Variants in CNGA3 observed in about 807,000 individuals in gnomAD.
CNGA3 encodes cyclic nucleotide gated channel subunit alpha 3.
A neutral mutation model predicts 46.6 loss-of-function variants in CNGA3; 42 were observed. That is an observed-to-expected ratio of 0.90 (90% CI 0.70 to 1.17). The LOEUF (loss-of-function observed/expected upper bound fraction) is 1.17. Among genes scored for constraint, CNGA3 ranks in the 50% most tolerant of loss-of-function variants. The pLI is 0.00. For missense variants in CNGA3, 893 were observed against 890.7 expected (o/e 1.00, Z -0.03); for synonymous variants, 394 against 369.4 (o/e 1.07, Z -0.76).
chr2:98,389,842 C>T (rs1010859307), intron 6 of CNGA3, 68 bp downstream of exon 6: 3 of 1,291,770 alleles, frequency 2.3e-6, no homozygotes, highest in Non-Finnish European at 3.4e-6. Flanking sequence ...GGAGCCAGAG[C>T]TCCACCTCTC....
chr2:98,368,059 A>G (rs972177582), intron 1 of CNGA3, among the ~76,000 whole-genome samples: 15 of 152,184 alleles, frequency 9.9e-5, no homozygotes, highest in African/African-American at 3.6e-4. Flanking sequence ...CCAGAAACTC[A>G]CTCATTGTTA....
rs762969497 is a variant in CNGA3 at position 98,395,936 on chromosome 2, C to T, written c.766C>T (p.Leu256=). 2 of 1,614,040 alleles carry T rather than the reference C, an allele frequency of 1.2e-6. No homozygotes were observed. The highest frequency in any genetic ancestry group is 1.7e-5 in the Admixed American group (1 of 59,988). The part of the protein sequence containing the change: ...TTQFKLDVLS[L]VPTDLAYLKV... ...GCAGTTCAAGCTGGATGTGTTGTCC[C>T]TGGTCCCCACCGACCTGGCTTACTT... The change falls in exon 8 of 8, where the codon CTG becomes TTG. Residue 256 remains leucine, a synonymous_variant. Transcript: ENST00000272602.
chr2:98,388,912 C>T (rs1480908517), intron 5 of CNGA3, among the ~76,000 whole-genome samples: 4 of 152,206 alleles, frequency 2.6e-5, no homozygotes, highest in Non-Finnish European at 4.4e-5. Context: ...CCTGGGCCAG[C>T]GTGGGTCGCA....
At chr2:98,353,870 C>T (rs1476654378) in intron 1 of CNGA3, among the ~76,000 whole-genome samples, 1 of 152,110 alleles carries the variant, frequency 6.6e-6, no homozygotes, top group East Asian at 1.9e-4. Context: ...GGAGTAGGGG[C>T]AAGTGGGGGA....
At position 98,370,076 on chromosome 2, in the gene CNGA3, G is replaced by T. The variant is rs1217285901; in HGVS notation, c.101G>T (p.Arg34Ile). 6 of 1,608,386 alleles carry T rather than the reference G, an allele frequency of 3.7e-6. No homozygotes were observed. Among genetic ancestry groups the T allele is most frequent in the Non-Finnish European group, 5.1e-6 (6 of 1,175,300 alleles). ...AATCGCGCTGAAAATGGCCTCAGCA[G>T]GTAAGATGGGCTAAGATGGGCTTTT... The part of the protein sequence containing the change: ...DLNRAENGLS[R>I]AHSSSEETSS... The change falls in exon 2 of 8, where the codon AGA (arginine) becomes ATA (isoleucine). Residue 34 changes from arginine (R) to isoleucine (I), a missense_variant and splice_region_variant. Transcript: ENST00000272602.
chr2:98,367,278 T>G (rs1692184870), intron 1 of CNGA3, among the ~76,000 whole-genome samples: 1 of 147,158 alleles, frequency 6.8e-6, no homozygotes, highest in African/African-American at 2.5e-5. Context: ...CACCGCAAGC[T>G]CCGCCTCCCG....
At chr2:98,361,631 C>G (rs760664079) in intron 1 of CNGA3, among the ~76,000 whole-genome samples, 2 of 151,736 alleles carry the variant, frequency 1.3e-5, no homozygotes, top group African/African-American at 4.8e-5. Context: ...GTTGAACTAA[C>G]TTACACTCCC....
At chr2:98,388,087 C>G (rs1225338221) in intron 5 of CNGA3, among the ~76,000 whole-genome samples, 2 of 152,162 alleles carry the variant, frequency 1.3e-5, no homozygotes, top group African/African-American at 4.8e-5. Flanking sequence ...ATAATAATAA[C>G]AAATCAATAA....
In CNGA3 at chr2:98,396,947, G is replaced by A. The variant is rs774676415; in HGVS notation, c.1777G>A (p.Glu593Lys). 1.1e-5 allele frequency: 17 copies of A among 1,613,982 alleles called. No homozygotes were observed. Among genetic ancestry groups the A allele is most frequent in the South Asian group, 3.3e-5 (3 of 91,086 alleles). Residue 593 changes from glutamate to lysine, a missense_variant, in exon 8 of 8, where the codon GAA becomes AAA. By Grantham distance (56) the Glu-to-Lys change is moderately conservative. Around this residue, in one of 3 missense-constraint regions of CNGA3, gnomAD observed 548 missense variants for 570.8 expected, o/e 0.96. Coordinates refer to ENST00000272602, the MANE Select transcript of CNGA3 (RefSeq NM_001298.3). ...CATGGAGGCCCTCACCGAGTACCCC[G>A]AAGCCAAGAAGGCCCTGGAGGAGAA... ...DLMEALTEYP[E>K]AKKALEEKGR...
chr2:98,360,470 G>A (rs1692005171), intron 1 of CNGA3, among the ~76,000 whole-genome samples: 1 of 152,216 alleles, frequency 6.6e-6, no homozygotes, highest in Admixed American at 6.5e-5. Flanking sequence ...TTTCCACAGA[G>A]TCCCAAACTT....
rs547128131 is a variant in CNGA3, at chr2:98,355,473, G to A, written c.-38+8939G>A. 2.6e-4 allele frequency among the ~76,000 whole-genome samples: 39 copies of A among 152,226 alleles called. No homozygotes were observed. In the East Asian group the frequency reaches 3.5e-3, roughly 14 times the overall value. On this transcript the variant is annotated intron_variant, in intron 1 of 7. Transcript: ENST00000272602. ...CATCATGGAACTTCTAGAATTGAAGGACTTTTAATAATCAACTGGGCCTAT... is the reference window on the plus strand; with the variant it reads ...CATCATGGAACTTCTAGAATTGAAGAACTTTTAATAATCAACTGGGCCTAT...
chr2:98,347,591 G>A (rs1239258843), intron 1 of CNGA3, among the ~76,000 whole-genome samples: 2 of 152,370 alleles, frequency 1.3e-5, no homozygotes, highest in African/African-American at 2.4e-5. Flanking sequence ...GGAACCTAGA[G>A]GACCTGGAGC....
chr2:98,380,128 G>A (rs1175093031), intron 3 of CNGA3, 47 bp from the exon 4 acceptor site: 1 of 1,607,388 alleles, frequency 6.2e-7, no homozygotes, highest in African/African-American at 1.3e-5. Flanking sequence ...TGGGGGTGTG[G>A]GGGGCTTTTC....
At chr2:98,375,672 T>G (rs1190441536) in intron 2 of CNGA3, among the ~76,000 whole-genome samples, 2 of 152,208 alleles carry the variant, frequency 1.3e-5, no homozygotes, top group Non-Finnish European at 2.9e-5. Flanking sequence ...TAAAGAGCCA[T>G]GCCTATGGTA....
In CNGA3 at chr2:98,370,023, C is replaced by T; in HGVS notation, c.48C>T (p.Leu16=). The part of the protein sequence containing the change: ...TQYSHPSRTH[L]KVKTSDRDLN... ...ACTCCCACCCCTCCAGGACCCACCT[C>T]AAGGTAAAGACCTCAGACCGAGATC... The change falls in exon 2 of 8, where the codon CTC becomes CTT. Residue 16 remains leucine (L), a synonymous_variant. Coordinates refer to ENST00000272602, the MANE Select transcript of CNGA3 (RefSeq NM_001298.3). The T allele has an allele frequency of 6.2e-7, 1 of 1,614,082 alleles. No homozygotes were observed.
At position 98,380,304 on chromosome 2, in the gene CNGA3, C is replaced by T; in HGVS notation, c.345C>T (p.Ser115=). 1 of 1,614,152 alleles carries T rather than the reference C, an allele frequency of 6.2e-7. No homozygotes were observed. Among genetic ancestry groups the T allele is most frequent in the Non-Finnish European group, 8.5e-7 (1 of 1,180,018 alleles). ...AELKEVSSQE[S]NAQANVGSQE... ...TTAAGGAGGTGTCCAGCCAAGAAAG[C>T]AATGCCCAGGCAAATGTGGGCAGCC... Residue 115 remains serine, a synonymous_variant, in exon 4 of 8, where the codon AGC becomes AGT. Transcript: ENST00000272602.
chr2:98,361,075 G>T (rs189627831), intron 1 of CNGA3, among the ~76,000 whole-genome samples: 1 of 151,816 alleles, frequency 6.6e-6, no homozygotes. Context: ...GTGCAGGTTT[G>T]TTACATAGGT....
At chr2:98,371,422 T>C (rs1310636545) in intron 2 of CNGA3, among the ~76,000 whole-genome samples, 3 of 152,182 alleles carry the variant, frequency 2.0e-5, no homozygotes, top group African/African-American at 7.2e-5. Context: ...CAGCAAACTC[T>C]GCTAATAAGT....
At position 98,351,351 on chromosome 2, in the gene CNGA3, C is replaced by T. The variant is rs184501831; in HGVS notation, c.-38+4817C>T. 1.8e-4 allele frequency among the ~76,000 whole-genome samples: 27 copies of T among 152,264 alleles called. No homozygotes were observed. The Middle Eastern group carries it at 0.01, about 58-fold the overall frequency. On this transcript the variant is annotated intron_variant, in intron 1 of 7. Coordinates refer to ENST00000272602, the MANE Select transcript of CNGA3 (RefSeq NM_001298.3). ...ACCCAGTGGGAGGTAATTGAATCAT[C>T]GGGGCAGGCCTTTCCCATGCTGTTC...
Sources: gnomAD v4.1 joint callset for allele counts (sites outside exome capture counted in the v4.1 genomes callset) on GRCh38, gnomAD v4.1.1 for gene constraint, gnomAD v4.1.1 regional missense constraint, MANE v1.5 for transcripts, NCBI Gene and HGNC (gene_info 2026-07-23, HGNC 2026-07-21) for gene names.